MAN2A2: variants seen among roughly 807,000 people sequenced by gnomAD.
MAN2A2 encodes mannosidase alpha class 2A member 2.
Under a neutral mutation model 126.8 loss-of-function variants are expected in MAN2A2, and 79 were observed. The observed-to-expected ratio is 0.62, with a 90% CI of 0.52 to 0.75. The LOEUF (loss-of-function observed/expected upper bound fraction) is 0.75. MAN2A2 is among the 30% of genes least tolerant of loss of function. MAN2A2 has a pLI of 0.00. For missense variants in MAN2A2, 1,392 were observed against 1,522.4 expected (o/e 0.91, Z 1.43); for synonymous variants, 671 against 618.7 (o/e 1.08, Z -1.25).
chr15:90,916,612 C>A (rs1296757716), intron 20 of MAN2A2: 1 of 1,317,308 alleles, frequency 7.6e-7, no homozygotes, highest in Admixed American at 2.3e-5. Context: ...AACTGGCAGC[C>A]ATGTTTAGGG....
Position 90,912,947 on chromosome 15 carries a change from A to G in MAN2A2, c.2540A>G (p.Tyr847Cys). The change falls in exon 17 of 23, where the codon TAC (tyrosine) becomes TGC (cysteine). Residue 847 changes from tyrosine to cysteine, a missense_variant. Transcript: ENST00000559717. ...EGPFFSEVVAYYEHIHQAVRL... is the reference protein window; with the variant it reads ...EGPFFSEVVACYEHIHQAVRL... The stretch of plus-strand genomic sequence containing the variant: ...CCTTTCTTCTCAGAGGTGGTTGCGT[A>G]CTATGAGCACATTCACCAGGCGGTC... 2 of 1,614,100 alleles carry G rather than the reference A, an allele frequency of 1.2e-6. No homozygotes were observed. The highest frequency in any genetic ancestry group is 1.7e-6 in the Non-Finnish European group (2 of 1,179,980).
In MAN2A2 at chr15:90,910,053, T is replaced by A; in HGVS notation, c.1375-37T>A. The stretch of plus-strand genomic sequence containing the variant: ...TGTGGCCACAATTTGCAGGAGGCTC[T>A]AGAACTGATGGGAGTGGGTTTTTGG... On this transcript the variant is annotated intron_variant, in intron 9 of 22. Coordinates refer to ENST00000559717, the MANE Select transcript of MAN2A2 (RefSeq NM_006122.4). 1.9e-6 allele frequency: 3 copies of A among 1,582,160 alleles called. No homozygotes were observed. In the East Asian group the frequency reaches 6.7e-5, roughly 35 times the overall value.
chr15:90,906,145 A>T lies in MAN2A2; in HGVS notation c.707+129A>T. The T allele has an allele frequency of 2.9e-6, 4 of 1,397,060 alleles. No individual in the cohort carries two copies. In the South Asian group the frequency reaches 5.1e-5, roughly 18 times the overall value. The allele number at this position is 1,397,060 out of a possible 1,614,324, so 86.5% of individuals were successfully genotyped here. ...CAGAGAGCTGTGGAAGAGATGAGTGATGGTGGAGGGAGGGAAGGCAAAAAC... is the reference window on the plus strand; with the variant it reads ...CAGAGAGCTGTGGAAGAGATGAGTGTTGGTGGAGGGAGGGAAGGCAAAAAC... On this transcript the variant is annotated intron_variant, in intron 5 of 22. Coordinates refer to ENST00000559717, the MANE Select transcript of MAN2A2 (RefSeq NM_006122.4).
At chr15:90,916,362 G>C (rs545987275) in intron 20 of MAN2A2, 106 bp downstream of exon 20, 1 of 1,441,138 alleles carries the variant, frequency 6.9e-7, no homozygotes, top group African/African-American at 1.4e-5. Flanking sequence ...GTGGGCAAGA[G>C]AGAGAGAGTA....
intron 19 of MAN2A2, among the ~76,000 whole-genome samples, chr15:90,915,175 C>T (rs56381129): frequency 6.6e-6 from 1 of 152,352 alleles, no homozygotes; most frequent in African/African-American, 2.4e-5. Context: ...CTCCTCTCCC[C>T]CTCTGGGATA....
At chr15:90,916,332 C>T in intron 20 of MAN2A2, 76 bp downstream of exon 20, 1 of 1,543,282 alleles carries the variant, frequency 6.5e-7, no homozygotes, top group Non-Finnish European at 8.8e-7. Flanking sequence ...CAGCCTAGGG[C>T]TCGAGGAGCG....
intron 2 of MAN2A2, among the ~76,000 whole-genome samples, chr15:90,904,936 T>C (rs71407345): frequency 0.057 from 8,737 of 152,270 alleles, 375 homozygotes; most frequent in South Asian, 0.15. Context: ...GATTGCAGCA[T>C]TCTTTGCCAT....
intron 2 of MAN2A2, among the ~76,000 whole-genome samples, 199 bp from the exon 3 acceptor site, chr15:90,905,052 C>A (rs1435701733): frequency 1.3e-5 from 2 of 152,186 alleles, no homozygotes; most frequent in Non-Finnish European, 2.9e-5. Context: ...GTTCTCCCAA[C>A]CCAAGTGGAG....
intron 1 of MAN2A2, chr15:90,903,826 G>T (rs941459721): frequency 2.9e-6 from 1 of 346,182 alleles, no homozygotes; most frequent in African/African-American, 2.1e-5. Flanking sequence ...AAACAAAATA[G>T]AGACTAGCTT....
intron 22 of MAN2A2, among the ~76,000 whole-genome samples, 187 bp from the exon 23 acceptor site, chr15:90,919,448 A>G (rs1178102220): frequency 1.3e-5 from 2 of 152,224 alleles, no homozygotes; most frequent in Admixed American, 6.5e-5. Context: ...CATGTTGGCC[A>G]GGCTGGTCTC....
In MAN2A2 at chr15:90,905,838, T is replaced by C. The variant is rs1387619056; in HGVS notation, c.536-7T>C. 6.4e-7 allele frequency: 1 copy of C among 1,572,706 alleles called. No homozygotes were observed. On this transcript the variant is annotated splice_polypyrimidine_tract_variant and splice_region_variant and intron_variant, in intron 4 of 22. Transcript: ENST00000559717. ...CATCCTCAGGGGACCCTACATTGGC[T>C]CCCTAGGCTGGATCAAGACCTTTGA...
Position 90,909,516 on chromosome 15 carries a change from A to G in MAN2A2, c.1374+12A>G. ...ACCTCCATGTGCAGGTGTGAGGGGC[A>G]CTTGACTGGGGAGGGGCCTCACAGT... is the stretch of plus-strand genomic sequence containing the variant. On this transcript the variant is annotated intron_variant, in intron 9 of 22. Transcript: ENST00000559717. 6.2e-7 allele frequency: 1 copy of G among 1,602,836 alleles called. No homozygotes were observed. Among genetic ancestry groups the G allele is most frequent in the African/African-American group, 1.3e-5 (1 of 74,760 alleles).
intron 7 of MAN2A2, 53 bp from the exon 8 acceptor site, chr15:90,907,256 C>A (rs969274233): frequency 6.4e-7 from 1 of 1,557,958 alleles, no homozygotes; most frequent in Non-Finnish European, 8.8e-7. Context: ...CCTTGCCCCC[C>A]TGGCGTCCAG....
chr15:90,906,405 G>T lies in MAN2A2; in HGVS notation c.743G>T (p.Gly248Val). The T allele has an allele frequency of 6.2e-7, 1 of 1,614,176 alleles. No homozygotes were observed. Among genetic ancestry groups the T allele is most frequent in the Admixed American group, 1.7e-5 (1 of 60,022 alleles). Residue 248 changes from glycine to valine, a missense_variant, in exon 6 of 23, where the codon GGA becomes GTA. Coordinates refer to ENST00000559717, the MANE Select transcript of MAN2A2 (RefSeq NM_006122.4). ...VGNGQLEIATGGWVMPDEANS... is the reference protein window; with the variant it reads ...VGNGQLEIATVGWVMPDEANS... ...AACGGGCAGCTGGAGATTGCGACAG[G>T]AGGCTGGGTGATGCCAGATGAGGCC...
chr15:90,903,859 A>G, intron 1 of MAN2A2: 1 of 383,424 alleles, frequency 2.6e-6, no homozygotes, highest in Non-Finnish European at 5.0e-6. Context: ...CTAGAAGCAC[A>G]TGGCCGAGGA....
In MAN2A2 at chr15:90,918,593, C is replaced by G. The variant is rs371428898; in HGVS notation, c.3190-52C>G. 1.8e-4 allele frequency: 238 copies of G among 1,356,072 alleles called. No homozygotes were observed. In the East Asian group the frequency reaches 5.1e-3, roughly 29 times the overall value. 84.0% of individuals were successfully genotyped at this position (1,356,072 alleles called of 1,614,324 possible). On this transcript the variant is annotated intron_variant, in intron 21 of 22. Coordinates refer to ENST00000559717, the MANE Select transcript of MAN2A2 (RefSeq NM_006122.4). Reference sequence around the variant, plus strand: ...TCTGGGCAGAGGCGCTGCTGCATCTCCGATCTCTGAAAGCCCTGCGCCCAC... The same window carrying G: ...TCTGGGCAGAGGCGCTGCTGCATCTGCGATCTCTGAAAGCCCTGCGCCCAC...
chr15:90,909,436 G>C lies in MAN2A2; in HGVS notation c.1306G>C (p.Asp436His). 1.2e-6 allele frequency: 2 copies of C among 1,614,120 alleles called. No individual in the cohort carries two copies. Among genetic ancestry groups the C allele is most frequent in the Non-Finnish European group, 1.7e-6 (2 of 1,180,008 alleles). ...DFRYDKPQEW[D>H]AQFFNYQRLF... ...CCGATATGACAAGCCCCAGGAGTGGGATGCCCAGTTCTTCAACTACCAACG... is the reference window on the plus strand; with the variant it reads ...CCGATATGACAAGCCCCAGGAGTGGCATGCCCAGTTCTTCAACTACCAACG... Residue 436 changes from aspartate to histidine, a missense_variant, in exon 9 of 23, where the codon GAT (aspartate) becomes CAT (histidine). Coordinates refer to ENST00000559717, the MANE Select transcript of MAN2A2 (RefSeq NM_006122.4).
chr15:90,905,217 A>G lies in MAN2A2; in HGVS notation c.133-34A>G, dbSNP rs758404587. On this transcript the variant is annotated intron_variant, in intron 2 of 22. Transcript: ENST00000559717. ...CAGAGACCCTCCCTGTGGCATAAGG[A>G]GCTGTGTGTGATTGCTTTCTGGTTT... 3.1e-6 allele frequency: 5 copies of G among 1,603,008 alleles called. No homozygotes were observed. In the South Asian group the frequency reaches 5.5e-5, roughly 18 times the overall value.
Position 90,916,083 on chromosome 15 carries a change from G to C in MAN2A2, c.2861-40G>C, listed in dbSNP as rs780535273. The C allele has an allele frequency of 3.1e-6, 5 of 1,606,722 alleles. No homozygotes were observed. In the South Asian group the frequency reaches 4.4e-5, roughly 14 times the overall value. ...CCTTTGAAAGGTCAGTGCCTGCTTGGGGGTGGGGGCGGGCCAGCACTCACT... is the reference window on the plus strand; with the variant it reads ...CCTTTGAAAGGTCAGTGCCTGCTTGCGGGTGGGGGCGGGCCAGCACTCACT... On this transcript the variant is annotated intron_variant, in intron 19 of 22. Coordinates refer to ENST00000559717, the MANE Select transcript of MAN2A2 (RefSeq NM_006122.4).
Sources: allele counts gnomAD v4.1 joint callset (sites outside exome capture counted in the v4.1 genomes callset), GRCh38; gene constraint gnomAD v4.1.1; transcripts MANE v1.5; gene names NCBI Gene and HGNC (gene_info 2026-07-23, HGNC 2026-07-21).